Variants in INSYN2B observed in about 807,000 individuals in gnomAD.
INSYN2B encodes the protein protein INSYN2B.
Under a neutral mutation model 41.2 loss-of-function variants are expected in INSYN2B, and 16 were observed. The ratio of observed to expected loss-of-function variants is 0.39; its 90% CI spans 0.26 to 0.59. The LOEUF is 0.59. Ranked by LOEUF, INSYN2B falls within the 20% of genes least tolerant of loss-of-function variation. INSYN2B has a pLI of 0.57. For synonymous variants in INSYN2B, 245 were observed against 244.4 expected, an observed-to-expected ratio of 1.00 and a Z score of -0.02; for missense variants, 608 against 646.4, an observed-to-expected ratio of 0.94 and a Z score of 0.64.
chr5:169,939,966 A>G (rs959213499), intron 1 of INSYN2B, among the ~76,000 whole-genome samples: 1 of 152,216 alleles, frequency 6.6e-6, no homozygotes, highest in Non-Finnish European at 1.5e-5. Flanking sequence ...GCTTAAGGAT[A>G]GTTGGCTATG....
intron 3 of INSYN2B, among the ~76,000 whole-genome samples, chr5:169,871,483 C>T (rs960812157): frequency 6.6e-6 from 1 of 152,196 alleles, no homozygotes; most frequent in African/African-American, 2.4e-5. Context: ...TGAATTCTCA[C>T]AATCCCATGG....
At chr5:169,879,163 G>A (rs1772494751) in intron 3 of INSYN2B, among the ~76,000 whole-genome samples, 1 of 152,206 alleles carries the variant, frequency 6.6e-6, no homozygotes, top group Non-Finnish European at 1.5e-5. Flanking sequence ...CATCTCCAGA[G>A]AAGAAGACCC....
chr5:169,876,675 C>A (rs1025093610), intron 3 of INSYN2B, among the ~76,000 whole-genome samples: 29 of 152,378 alleles, frequency 1.9e-4, no homozygotes, highest in South Asian at 1.0e-3. Context: ...TACGGGCTTA[C>A]ATTCAGCTTA....
intron 1 of INSYN2B, among the ~76,000 whole-genome samples, chr5:169,929,681 A>C (rs1263918636): frequency 2.0e-5 from 3 of 150,990 alleles, no homozygotes; most frequent in African/African-American, 7.3e-5. Flanking sequence ...TATGGAGGTC[A>C]CAGTGAGCCA....
chr5:169,863,282 G>GATTAAT lies in INSYN2B; in HGVS notation c.*985_*990dup, dbSNP rs1771319754. 6.6e-6 allele frequency among the ~76,000 whole-genome samples: 1 copy of GATTAAT among 152,022 alleles called. No homozygotes were observed. The highest frequency in any genetic ancestry group is 2.4e-5 in the African/African-American group (1 of 41,376). On this transcript the variant is annotated 3_prime_UTR_variant, in exon 4 of 4. Transcript: ENST00000377365. ...GGTCACCAGGAAGGGAGACTGTGTC[G>GATTAAT]ATTAATATATGTTTGAACCTATCTA...
At chr5:169,889,222 G>A (rs1237486294) in intron 1 of INSYN2B, among the ~76,000 whole-genome samples, 1 of 152,338 alleles carries the variant, frequency 6.6e-6, no homozygotes, top group South Asian at 2.1e-4. Context: ...AACTAATTAA[G>A]AGTGAAGGAA....
intron 1 of INSYN2B, among the ~76,000 whole-genome samples, chr5:169,901,042 C>A (rs1039697529): frequency 6.6e-6 from 1 of 152,096 alleles, no homozygotes; most frequent in Non-Finnish European, 1.5e-5. Context: ...ATTTATAAAA[C>A]GTGCTAGATG....
chr5:169,905,175 G>T (rs904381660), intron 1 of INSYN2B, among the ~76,000 whole-genome samples: 1 of 152,282 alleles, frequency 6.6e-6, no homozygotes, highest in African/African-American at 2.4e-5. Context: ...GACACAAGTG[G>T]GTGAAGCCAG....
chr5:169,903,695 G>A (rs166354), intron 1 of INSYN2B, among the ~76,000 whole-genome samples: 98,513 of 151,906 alleles, frequency 0.65, 32,261 homozygotes, highest in Admixed American at 0.72. Flanking sequence ...GAACTTACTC[G>A]GGGCAGGGGG....
chr5:169,904,083 C>G (rs1170045238), intron 1 of INSYN2B, among the ~76,000 whole-genome samples: 2 of 123,386 alleles, frequency 1.6e-5, no homozygotes, highest in Non-Finnish European at 3.2e-5. Context: ...CAGAGCAAGA[C>G]TTCGTCTCAA....
chr5:169,948,273 G>A (rs548222652), intron 1 of INSYN2B, among the ~76,000 whole-genome samples: 1 of 150,018 alleles, frequency 6.7e-6, no homozygotes, highest in Non-Finnish European at 1.5e-5. Flanking sequence ...TTATATTTTA[G>A]TAGAGGGATT....
At chr5:169,942,656 G>A (rs533897068) in intron 1 of INSYN2B, among the ~76,000 whole-genome samples, 56 of 152,292 alleles carry the variant, frequency 3.7e-4, no homozygotes, top group Admixed American at 1.3e-3. Context: ...GATGCAGGGC[G>A]GTCTGGAGTT....
intron 3 of INSYN2B, among the ~76,000 whole-genome samples, chr5:169,881,011 G>A (rs1772610728): frequency 6.6e-6 from 1 of 152,198 alleles, no homozygotes; most frequent in South Asian, 2.1e-4. Flanking sequence ...GAAAAATCTG[G>A]ATGTGAGTCC....
chr5:169,920,843 C>A (rs1432166151), intron 1 of INSYN2B, among the ~76,000 whole-genome samples: 1 of 139,504 alleles, frequency 7.2e-6, no homozygotes, highest in African/African-American at 2.9e-5. Context: ...GTCTTTCTGA[C>A]CTCCACCCTA....
At chr5:169,904,691 G>C (rs73325959) in intron 1 of INSYN2B, among the ~76,000 whole-genome samples, 3,283 of 152,240 alleles carry the variant, frequency 0.022, 118 homozygotes, top group African/African-American at 0.075. Flanking sequence ...CAGACAATAA[G>C]TCTGACAGAT....
intron 1 of INSYN2B, among the ~76,000 whole-genome samples, chr5:169,915,985 C>G (rs1197552186): frequency 1.3e-5 from 2 of 152,190 alleles, no homozygotes; most frequent in Non-Finnish European, 2.9e-5. Flanking sequence ...ACATGTCACA[C>G]TAGACCAGAA....
intron 3 of INSYN2B, among the ~76,000 whole-genome samples, chr5:169,872,331 G>T (rs971217483): frequency 6.6e-6 from 1 of 152,216 alleles, no homozygotes; most frequent in African/African-American, 2.4e-5. Context: ...CATCTCTGGG[G>T]AAGAATTACA....
chr5:169,941,510 GTGTC>G (rs1319493382), intron 1 of INSYN2B, among the ~76,000 whole-genome samples: 12 of 152,214 alleles, frequency 7.9e-5, no homozygotes, highest in Non-Finnish European at 1.5e-4. Flanking sequence ...ACCAGGGCAA[GTGTC>G]TGTTGGAAGG....
chr5:169,877,950 G>C (rs1343816218), intron 3 of INSYN2B, among the ~76,000 whole-genome samples: 1 of 152,062 alleles, frequency 6.6e-6, no homozygotes, highest in Non-Finnish European at 1.5e-5. Context: ...GAGATGAAAA[G>C]TTTTCTGGGA....
Sources: allele counts gnomAD v4.1 joint callset (sites outside exome capture counted in the v4.1 genomes callset), GRCh38; gene constraint gnomAD v4.1.1; transcripts MANE v1.5; gene names NCBI Gene and HGNC (gene_info 2026-07-23, HGNC 2026-07-21).